Variants in TULP2 observed in about 807,000 individuals in gnomAD.
The protein encoded by TULP2 is tubby-related protein 2.
TULP2 carries 64 observed loss-of-function variants against 60.3 expected under a neutral mutation model. The observed-to-expected ratio is 1.06, with a 90% CI of 0.87 to 1.31. The LOEUF is 1.31. Among genes scored for constraint, TULP2 ranks in the 50% most tolerant of loss-of-function variants. The pLI, the probability that TULP2 is intolerant of heterozygous loss-of-function variation, is 0.00. For synonymous variants in TULP2, 267 were observed against 265.4 expected (o/e 1.01, Z -0.06); for missense variants, 652 against 667.0 (o/e 0.98, Z 0.25).
At position 48,882,104 on chromosome 19, in the gene TULP2, A is replaced by T; in HGVS notation, c.1375T>A (p.Tyr459Asn). The change falls in exon 12 of 13, where the codon TAC becomes AAC. Residue 459 changes from tyrosine (Y) to asparagine (N), a missense_variant. Physicochemically the swap from Tyr to Asn is moderately radical, Grantham distance 143. Transcript: ENST00000221399. ...TPSWDKENGVYTLNFHGRVTR... is the reference protein window; with the variant it reads ...TPSWDKENGVNTLNFHGRVTR... The stretch of plus-strand genomic sequence containing the variant: ...ACTCGACCATGGAAATTGAGCGTGT[A>T]GACACCGTTCTCCTTGTCCCACGAC... The T allele has an allele frequency of 3.1e-6, 5 of 1,614,218 alleles. No homozygotes were observed. The highest frequency in any genetic ancestry group is 4.2e-6 in the Non-Finnish European group (5 of 1,180,040).
rs6509407 is a variant in TULP2, at chr19:48,897,518, G to A, written c.33-122C>T. ...GTTCTGGGCACCTGTGAGGTCACAG[G>A]AGGTGCAGAACCTGAGCCTGCTCCA... On this transcript the variant is annotated intron_variant, in intron 2 of 12. Transcript: ENST00000221399. The surrounding 1 kb of genome is among the most constrained non-coding windows in gnomAD (Gnocchi z 4.0). 0.14 allele frequency: 141,734 copies of A among 1,022,330 alleles called. 12,880 individuals carry two copies. The highest frequency in any genetic ancestry group is 0.4 in the African/African-American group (24,872 of 62,276). 63.3% of individuals were successfully genotyped at this position (1,022,330 alleles called of 1,614,324 possible).
At position 48,885,506 on chromosome 19, in the gene TULP2, T is replaced by C. The variant is rs990891342; in HGVS notation, c.1003A>G (p.Ile335Val). 76 of 1,613,672 alleles carry C rather than the reference T, an allele frequency of 4.7e-5. 1 individual carries two copies. The highest frequency in any genetic ancestry group is 6.3e-5 in the Non-Finnish European group (74 of 1,179,878). ...RRRSKTSNYL[I>V]SLDPTHLSRD... is the part of the protein sequence containing the mutation. ...GATAGGTGTGTAGGATCCAGGGAGATGAGGTAATTAGAAGTTTTGCTCCTT... is the reference window on the plus strand; with the variant it reads ...GATAGGTGTGTAGGATCCAGGGAGACGAGGTAATTAGAAGTTTTGCTCCTT... Residue 335 changes from isoleucine (I) to valine (V), a missense_variant, in exon 9 of 13, where the codon ATC becomes GTC. Physicochemically the swap from Ile to Val is conservative, Grantham distance 29. Transcript: ENST00000221399.
chr19:48,897,786 G>C lies in TULP2; in HGVS notation c.32+51C>G, dbSNP rs367813085. On this transcript the variant is annotated intron_variant, in intron 2 of 12. Coordinates refer to ENST00000221399, the MANE Select transcript of TULP2 (RefSeq NM_003323.3). This position sits in a 1 kb window ranked among gnomAD's most constrained non-coding sequence, Gnocchi z 4.0. ...TATGAAGCCAGAGCCGAGTGCACGGGGTCCCCAGCCCTTTCCACCTCCACC... is the reference window on the plus strand; with the variant it reads ...TATGAAGCCAGAGCCGAGTGCACGGCGTCCCCAGCCCTTTCCACCTCCACC... 4.9e-5 allele frequency: 78 copies of C among 1,600,748 alleles called. No homozygotes were observed. The Middle Eastern group carries it at 5.0e-4, about 10-fold the overall frequency.
In TULP2 at chr19:48,885,651, C is replaced by T. The variant is rs563571044; in HGVS notation, c.949-91G>A. ...GTAATCCCTGCACTTTGGGAGGCTG[C>T]GGCGGGCAGATCACTTGAGGACAGG... On this transcript the variant is annotated intron_variant, in intron 8 of 12. Coordinates refer to ENST00000221399, the MANE Select transcript of TULP2 (RefSeq NM_003323.3). 103 of 1,130,724 alleles carry T rather than the reference C, an allele frequency of 9.1e-5. 1 individual carries two copies. The highest frequency in any genetic ancestry group is 8.6e-4 in the South Asian group (64 of 74,404). 70.0% of individuals were successfully genotyped at this position (1,130,724 alleles called of 1,614,324 possible). A position where few individuals can be genotyped will look rare whatever the true frequency, so the allele number is the denominator to read the frequency against.
intron 8 of TULP2, among the ~76,000 whole-genome samples, chr19:48,887,363 C>CGCCCAG (rs2037190823): frequency 9.8e-6 from 1 of 102,228 alleles, no homozygotes; most frequent in South Asian, 3.4e-4. Flanking sequence ...CTAACTCTGT[C>CGCCCAG]GCCCAGGCTG....
chr19:48,891,323 C>CAAA (rs58111671), intron 6 of TULP2, among the ~76,000 whole-genome samples: 5 of 123,052 alleles, frequency 4.1e-5, no homozygotes, highest in Middle Eastern at 4.7e-3. Context: ...GACTCCGTCT[C>CAAA]AAAAAAAAAA....
chr19:48,892,350 C>T (rs1180788955), intron 6 of TULP2, among the ~76,000 whole-genome samples: 2 of 152,202 alleles, frequency 1.3e-5, no homozygotes, highest in Non-Finnish European at 2.9e-5. Context: ...ATGACTTTCA[C>T]AAAGCATACT....
rs139008587 is a variant in TULP2 at position 48,888,155 on chromosome 19, G to T, written c.743C>A (p.Thr248Lys). 1 of 1,614,212 alleles carries T rather than the reference G, an allele frequency of 6.2e-7. No individual in the cohort carries two copies. The highest frequency in any genetic ancestry group is 8.5e-7 in the Non-Finnish European group (1 of 1,180,036). Residue 248 changes from threonine to lysine, a missense_variant, in exon 8 of 13, where the codon ACG becomes AAG. Transcript: ENST00000221399. ...LSKALKGEGG[T>K]DSDHMRHEAS... ...TTCGTGCCTCATATGGTCGCTGTCC[G>T]TGCCACCCTCGCCTTTCAGGGCCTT...
At chr19:48,893,241 G>A (rs1002463432) in intron 6 of TULP2, among the ~76,000 whole-genome samples, 6 of 152,054 alleles carry the variant, frequency 3.9e-5, no homozygotes, top group Non-Finnish European at 8.8e-5. Context: ...ATGGTGGCAC[G>A]CGCCTGTAAC....
chr19:48,895,886 G>GA (rs534558668), intron 4 of TULP2, among the ~76,000 whole-genome samples: 2,340 of 151,154 alleles, frequency 0.015, 27 homozygotes, highest in African/African-American at 0.019. Flanking sequence ...TCTCAAAAAA[G>GA]AAAAAAAAAT....
In TULP2 at chr19:48,897,719, C is replaced by T. The variant is rs1023997255; in HGVS notation, c.32+118G>A. The stretch of plus-strand genomic sequence containing the variant: ...GGACACAGGAGTCCAGGTCCCCAGC[C>T]CCTTCCTGCAAGGCCGATGGTGCTG... On this transcript the variant is annotated intron_variant, in intron 2 of 12. Coordinates refer to ENST00000221399, the MANE Select transcript of TULP2 (RefSeq NM_003323.3). The surrounding 1 kb of genome is among the most constrained non-coding windows in gnomAD (Gnocchi z 4.0). 3.6e-6 allele frequency: 4 copies of T among 1,104,702 alleles called. No individual in the cohort carries two copies. The highest frequency in any genetic ancestry group is 2.8e-6 in the Non-Finnish European group (2 of 719,938). The allele number at this position is 1,104,702 out of a possible 1,614,324, so 68.4% of individuals were successfully genotyped here.
chr19:48,882,114 CTCCTTG>C lies in TULP2; in HGVS notation c.1359_1364del (p.Asp453_Lys454del), dbSNP rs994613320. On this transcript the variant is annotated inframe_deletion, in exon 12 of 13. Transcript: ENST00000221399. ...GGAAATTGAGCGTGTAGACACCGTT[CTCCTTG>C]TCCCACGACGGGGTTTTGTTGTGCA... The C allele has an allele frequency of 2.5e-6, 4 of 1,614,016 alleles. No homozygotes were observed. The African/African-American group carries it at 5.3e-5, about 22-fold the overall frequency.
At chr19:48,882,313 G>A in intron 11 of TULP2, 110 bp from the exon 12 acceptor site, 1 of 1,221,888 alleles carries the variant, frequency 8.2e-7, no homozygotes. Flanking sequence ...ACAGGGGCTG[G>A]GTAAAATGAG....
rs2037294986 is a variant in TULP2, at chr19:48,897,716, A to G, written c.32+121T>C. Reference sequence around the variant, plus strand: ...TCAGGACACAGGAGTCCAGGTCCCCAGCCCCTTCCTGCAAGGCCGATGGTG... The same window carrying G: ...TCAGGACACAGGAGTCCAGGTCCCCGGCCCCTTCCTGCAAGGCCGATGGTG... On this transcript the variant is annotated intron_variant, in intron 2 of 12. Transcript: ENST00000221399. This position sits in a 1 kb window ranked among gnomAD's most constrained non-coding sequence, Gnocchi z 4.0. The G allele has an allele frequency of 1.1e-5, 12 of 1,092,144 alleles. No individual in the cohort carries two copies. Among genetic ancestry groups the G allele is most frequent in the Admixed American group, 8.9e-5 (5 of 56,102 alleles). 67.7% of individuals were successfully genotyped at this position (1,092,144 alleles called of 1,614,324 possible). A position where few individuals can be genotyped will look rare whatever the true frequency, so the allele number is the denominator to read the frequency against.
At chr19:48,896,638 C>G in intron 3 of TULP2, 82 bp from the exon 4 acceptor site, 1 of 1,455,140 alleles carries the variant, frequency 6.9e-7, no homozygotes, top group South Asian at 1.4e-5. Context: ...GGCAAGGGCT[C>G]GCATCGGCGC....
At chr19:48,886,425 T>C (rs962940781) in intron 8 of TULP2, among the ~76,000 whole-genome samples, 16 of 151,922 alleles carry the variant, frequency 1.1e-4, no homozygotes, top group African/African-American at 3.9e-4. Flanking sequence ...GGGTCCAGAG[T>C]TGAAGCTTAG....
rs964814384 is a variant in TULP2 at position 48,889,590 on chromosome 19, C to A, written c.556G>T (p.Asp186Tyr). Residue 186 changes from aspartate (D) to tyrosine (Y), a missense_variant, in exon 7 of 13, where the codon GAT becomes TAT. Transcript: ENST00000221399. ...EGESDSQDMGDAHKSPNMGPN... is the reference protein window; with the variant it reads ...EGESDSQDMGYAHKSPNMGPN... ...CCCATATTGGGTGACTTGTGTGCAT[C>A]TCCCATATCCTGGGAGTCACTCTCA... is the stretch of plus-strand genomic sequence containing the variant. 1 of 1,586,056 alleles carries A rather than the reference C, an allele frequency of 6.3e-7. No homozygotes were observed. Among genetic ancestry groups the A allele is most frequent in the African/African-American group, 1.3e-5 (1 of 74,602 alleles).
chr19:48,893,609 A>G (rs2037253360), intron 6 of TULP2, among the ~76,000 whole-genome samples: 1 of 151,880 alleles, frequency 6.6e-6, no homozygotes, highest in Non-Finnish European at 1.5e-5. Context: ...GCTGGAATGC[A>G]GTAGCCTGAT....
chr19:48,893,128 G>A (rs1272034524), intron 6 of TULP2, among the ~76,000 whole-genome samples: 1 of 152,024 alleles, frequency 6.6e-6, no homozygotes, highest in Non-Finnish European at 1.5e-5. Context: ...CCAGCACTTT[G>A]GGAGGCCGAG....
Sources: allele counts gnomAD v4.1 joint callset (sites outside exome capture counted in the v4.1 genomes callset), GRCh38; gene constraint gnomAD v4.1.1; non-coding constraint Gnocchi (gnomAD v3.1); transcripts MANE v1.5; gene names NCBI Gene and HGNC (gene_info 2026-07-23, HGNC 2026-07-21).